Variants in RHBDD1 observed in about 807,000 individuals in gnomAD.
The protein encoded by RHBDD1 is rhomboid-related protein 4.
A neutral mutation model predicts 36.3 loss-of-function variants in RHBDD1; 38 were observed. That is an observed-to-expected ratio of 1.05 (90% CI 0.81 to 1.37). The LOEUF is 1.37. Ranked by LOEUF, RHBDD1 falls within the 40% of genes most tolerant of loss-of-function variation. The pLI is 0.00. For missense variants in RHBDD1, 393 were observed against 377.6 expected (o/e 1.04, Z -0.34); for synonymous variants, 151 against 136.5 (o/e 1.11, Z -0.74).
the RHBDD1 span, among the ~76,000 whole-genome samples, chr2:226,816,804 G>A: frequency 6.6e-6 from 1 of 152,174 alleles, no homozygotes; most frequent in Non-Finnish European, 1.5e-5. Flanking sequence ...GCTGAGGCAG[G>A]AGAATCATTC....
chr2:226,971,747 T>G (rs1331860885), intron 8 of RHBDD1, among the ~76,000 whole-genome samples: 1 of 152,192 alleles, frequency 6.6e-6, no homozygotes, highest in Non-Finnish European at 1.5e-5. Context: ...ATACTGGACA[T>G]TTGCTCTAAG....
chr2:226,869,305 A>T (rs1944589125), intron 5 of RHBDD1: 1 of 401,796 alleles, frequency 2.5e-6, no homozygotes, highest in Admixed American at 6.4e-5. Context: ...TGAATGATAA[A>T]CTTCTAATAT....
intron 3 of RHBDD1, among the ~76,000 whole-genome samples, chr2:226,842,143 T>C (rs1028996728): frequency 1.9e-4 from 29 of 151,760 alleles, no homozygotes; most frequent in African/African-American, 6.3e-4. Context: ...TTAATGGGGT[T>C]GTTTTTTTCT....
chr2:226,866,756 T>C (rs16822780), intron 4 of RHBDD1, among the ~76,000 whole-genome samples: 1,848 of 152,332 alleles, frequency 0.012, 35 homozygotes, highest in African/African-American at 0.042. Context: ...GATGTATCCT[T>C]ATGCATCTAA....
intron 8 of RHBDD1, among the ~76,000 whole-genome samples, chr2:226,946,920 A>G (rs1414594768): frequency 6.6e-6 from 1 of 152,226 alleles, no homozygotes; most frequent in Non-Finnish European, 1.5e-5. Flanking sequence ...TTCAACATAC[A>G]CGAATCAGTA....
intron 7 of RHBDD1, 54 bp from the exon 8 acceptor site, chr2:226,914,154 G>A: frequency 3.2e-6 from 5 of 1,543,684 alleles, no homozygotes; most frequent in Non-Finnish European, 4.4e-6. Flanking sequence ...AAAACAGGAA[G>A]TATAAAACAA....
chr2:226,879,124 G>A (rs1462223685), intron 5 of RHBDD1, among the ~76,000 whole-genome samples: 1 of 150,558 alleles, frequency 6.6e-6, no homozygotes, highest in African/African-American at 2.5e-5. Flanking sequence ...CATATAGAAA[G>A]GGTAAGTATT....
chr2:226,998,954 C>T lies in RHBDD1; in HGVS notation c.*3432C>T, dbSNP rs1960228781. On this transcript the variant is annotated 3_prime_UTR_variant, in exon 9 of 9. Coordinates refer to ENST00000392062, the MANE Select transcript of RHBDD1 (RefSeq NM_001167608.3). ...GTGCTTTTACATGGAACAGCTCTTT[C>T]CTCTCTCTTGGCCCATTCAGATCCT... is the stretch of plus-strand genomic sequence containing the variant. 1 of 152,248 alleles carries T rather than the reference C, an allele frequency of 6.6e-6. No individual in the cohort carries two copies. The highest frequency in any genetic ancestry group is 6.5e-5 in the Admixed American group (1 of 15,284). The allele number at this position is 152,248 out of a possible 1,614,324, so 9.4% of individuals were successfully genotyped here.
intron 3 of RHBDD1, among the ~76,000 whole-genome samples, chr2:226,855,967 A>C (rs373216512): frequency 6.6e-6 from 1 of 152,182 alleles, no homozygotes; most frequent in African/African-American, 2.4e-5. Context: ...TTTATCATTA[A>C]TGTAGCTCTG....
chr2:226,928,393 C>G (rs1575132440), intron 8 of RHBDD1, among the ~76,000 whole-genome samples: 1 of 152,054 alleles, frequency 6.6e-6, no homozygotes, highest in East Asian at 1.9e-4. Flanking sequence ...CAAATCTGCT[C>G]CTTTATGATT....
chr2:226,884,931 A>G (rs1193490467), intron 5 of RHBDD1, among the ~76,000 whole-genome samples: 1 of 152,174 alleles, frequency 6.6e-6, no homozygotes, highest in African/African-American at 2.4e-5. Flanking sequence ...AAGGGCAAAA[A>G]TCAGAAATAA....
At chr2:226,904,436 A>C (rs1947874094) in intron 5 of RHBDD1, among the ~76,000 whole-genome samples, 1 of 134,212 alleles carries the variant, frequency 7.5e-6, no homozygotes, top group Admixed American at 7.8e-5. Flanking sequence ...GGGGTCAGGG[A>C]ACTCCTGTTT....
the RHBDD1 span, among the ~76,000 whole-genome samples, chr2:226,830,331 C>T: frequency 6.6e-6 from 1 of 152,188 alleles, no homozygotes; most frequent in Non-Finnish European, 1.5e-5. Flanking sequence ...AGGCACTCAT[C>T]AATCTGCCCA....
At chr2:226,906,914 G>C (rs376775713) in intron 6 of RHBDD1, 33 bp downstream of exon 6, 160 of 1,605,410 alleles carry the variant, frequency 1.0e-4, no homozygotes, top group Non-Finnish European at 1.2e-4. Flanking sequence ...CATGACAACA[G>C]CTTGGAAGTT....
chr2:226,906,586 TGTG>T (rs891253390), intron 5 of RHBDD1: 1 of 1,055,466 alleles, frequency 9.5e-7, no homozygotes. Flanking sequence ...GTTTTAAACA[TGTG>T]GTGGTTGTTA....
chr2:226,956,685 G>T (rs150171357), intron 8 of RHBDD1, among the ~76,000 whole-genome samples: 1 of 152,172 alleles, frequency 6.6e-6, no homozygotes, highest in South Asian at 2.1e-4. Context: ...CTAACAGAAA[G>T]ATCTGTCTCC....
chr2:226,824,910 C>G, the RHBDD1 span, among the ~76,000 whole-genome samples: 3 of 152,046 alleles, frequency 2.0e-5, no homozygotes, highest in Non-Finnish European at 4.4e-5. Context: ...CATACATGTG[C>G]GCAAAGGAGG....
chr2:226,926,523 G>A (rs746469883), intron 8 of RHBDD1, among the ~76,000 whole-genome samples: 9 of 152,124 alleles, frequency 5.9e-5, no homozygotes, highest in Non-Finnish European at 1.2e-4. Context: ...TAAATAGTTA[G>A]TTCTGTGTAT....
chr2:226,919,227 C>T (rs1281650609), intron 8 of RHBDD1, among the ~76,000 whole-genome samples: 1 of 152,048 alleles, frequency 6.6e-6, no homozygotes, highest in Non-Finnish European at 1.5e-5. Context: ...TTATTAGCCT[C>T]TTGTCAGATG....
Sources: gnomAD v4.1 joint callset for allele counts (sites outside exome capture counted in the v4.1 genomes callset) on GRCh38, gnomAD v4.1.1 for gene constraint, MANE v1.5 for transcripts, NCBI Gene and HGNC (gene_info 2026-07-23, HGNC 2026-07-21) for gene names.